The following ELMO1 variants were observed in gnomAD, a reference collection of about 807,000 sequenced individuals.
ELMO1 encodes the protein engulfment and cell motility protein 1.
Under a neutral mutation model 98.9 loss-of-function variants are expected in ELMO1, and 26 were observed. That is an observed-to-expected ratio of 0.26 (90% CI 0.19 to 0.36). The LOEUF (loss-of-function observed/expected upper bound fraction) is 0.36. Among genes scored for constraint, ELMO1 ranks in the 10% least tolerant of loss-of-function variants. ELMO1 has a pLI of 1.00. For synonymous variants in ELMO1, 346 were observed against 346.0 expected (o/e 1.00, Z 0.00); for missense variants, 627 against 935.2 (o/e 0.67, Z 4.30).
chr7:37,279,075 G>A lies in ELMO1; in HGVS notation c.193-7193C>T, dbSNP rs943781895. Among the ~76,000 whole-genome samples, 20 of 152,110 alleles carry A rather than the reference G, an allele frequency of 1.3e-4. 1 individual carries two copies. Among genetic ancestry groups the A allele is most frequent in the Admixed American group, 3.3e-4 (5 of 15,280 alleles). On this transcript the variant is annotated intron_variant, in intron 4 of 21. Coordinates refer to ENST00000310758, the MANE Select transcript of ELMO1 (RefSeq NM_014800.11). ...AAATTAGCCAGGCGTGGTGGCGGGC[G>A]CCTGTAATCCCAGCTACTCAGGAGG...
chr7:37,417,949 G>T (rs968529951), intron 1 of ELMO1, among the ~76,000 whole-genome samples: 19 of 152,132 alleles, frequency 1.2e-4, no homozygotes, highest in Non-Finnish European at 2.5e-4. Context: ...GGACCACCTG[G>T]GGCCACCAGA....
At chr7:36,963,719 C>A (rs1789167205) in intron 16 of ELMO1, among the ~76,000 whole-genome samples, 1 of 152,228 alleles carries the variant, frequency 6.6e-6, no homozygotes, top group South Asian at 2.1e-4. Flanking sequence ...ACCTATATGT[C>A]TATACCCAAT....
intron 13 of ELMO1, among the ~76,000 whole-genome samples, chr7:37,170,761 C>T (rs1271873372): frequency 6.6e-6 from 1 of 151,984 alleles, no homozygotes; most frequent in Non-Finnish European, 1.5e-5. Context: ...CATGTGCCAC[C>T]TTGCTGGGCT....
chr7:37,422,699 T>C lies in ELMO1; in HGVS notation c.-74+25976A>G, dbSNP rs563348513. On this transcript the variant is annotated intron_variant, in intron 1 of 21. Transcript: ENST00000310758. ...CGTTTTAAAACTCATTTACTGATTG[T>C]GTAAACTCCAAAATGTTTTCTAGTC... is the stretch of plus-strand genomic sequence containing the variant. 4.2e-4 allele frequency among the ~76,000 whole-genome samples: 64 copies of C among 152,372 alleles called. 2 individuals carry two copies. The South Asian group carries it at 8.9e-3, about 21-fold the overall frequency.
At chr7:36,925,426 T>A (rs985410922) in intron 16 of ELMO1, among the ~76,000 whole-genome samples, 1 of 152,158 alleles carries the variant, frequency 6.6e-6, no homozygotes, top group African/African-American at 2.4e-5. Context: ...GGCTGGCTGC[T>A]GCACAGAAGA....
intron 15 of ELMO1, among the ~76,000 whole-genome samples, chr7:37,086,289 A>T (rs940461060): frequency 2.0e-5 from 3 of 151,346 alleles, no homozygotes; most frequent in African/African-American, 4.9e-5. Context: ...TTTTAAAACA[A>T]TTTTTTTGGC....
chr7:37,402,653 C>T lies in ELMO1; in HGVS notation c.-74+46022G>A, dbSNP rs114638902. 8.3e-3 allele frequency among the ~76,000 whole-genome samples: 1,260 copies of T among 152,220 alleles called. 24 individuals are homozygous for T. Among genetic ancestry groups the T allele is most frequent in the African/African-American group, 0.029 (1,193 of 41,500 alleles). The stretch of plus-strand genomic sequence containing the variant: ...TTAATGAATCTGAAGCCATCTGATC[C>T]CTGACTTCTGGTTAAGTAAACAATT... On this transcript the variant is annotated intron_variant, in intron 1 of 21. Coordinates refer to ENST00000310758, the MANE Select transcript of ELMO1 (RefSeq NM_014800.11).
chr7:37,035,613 C>A (rs1795133804), intron 15 of ELMO1, among the ~76,000 whole-genome samples: 2 of 152,290 alleles, frequency 1.3e-5, no homozygotes, highest in Admixed American at 6.5e-5. Context: ...ACATATCAAG[C>A]AATTCAACTT....
At chr7:36,965,153 T>TC (rs968836492) in intron 16 of ELMO1, among the ~76,000 whole-genome samples, 28 of 152,054 alleles carry the variant, frequency 1.8e-4, no homozygotes, top group African/African-American at 6.0e-4. Flanking sequence ...AACCATCCTT[T>TC]CCCCATGAGT....
At chr7:37,438,597 C>G (rs1476994045) in intron 1 of ELMO1, among the ~76,000 whole-genome samples, 1 of 28,098 alleles carries the variant, frequency 3.6e-5, no homozygotes, top group South Asian at 1.8e-3. Flanking sequence ...GAGACTCTGT[C>G]TCAAAAAAAA....
chr7:37,284,506 C>T (rs1797293215), intron 4 of ELMO1, among the ~76,000 whole-genome samples: 1 of 152,120 alleles, frequency 6.6e-6, no homozygotes, highest in African/African-American at 2.4e-5. Flanking sequence ...AGGCTCCAAC[C>T]TTGACATCGC....
At chr7:37,328,725 C>T (rs765463969) in intron 2 of ELMO1, among the ~76,000 whole-genome samples, 2 of 152,172 alleles carry the variant, frequency 1.3e-5, no homozygotes, top group African/African-American at 2.4e-5. Flanking sequence ...AACACTGGAA[C>T]GTTTGATACC....
intron 16 of ELMO1, among the ~76,000 whole-genome samples, chr7:36,933,673 A>G (rs919461355): frequency 6.6e-5 from 10 of 152,128 alleles, no homozygotes; most frequent in African/African-American, 2.4e-4. Flanking sequence ...ATTCTTCCAG[A>G]CACATGACAA....
intron 16 of ELMO1, among the ~76,000 whole-genome samples, 159 bp from the exon 17 acceptor site, chr7:36,895,176 T>C (rs983322676): frequency 1.3e-5 from 2 of 152,200 alleles, no homozygotes; most frequent in African/African-American, 4.8e-5. Flanking sequence ...ACTTCCATTA[T>C]GCCCATCTTC....
intron 8 of ELMO1, among the ~76,000 whole-genome samples, chr7:37,229,690 A>G (rs1794062360): frequency 6.6e-6 from 1 of 152,222 alleles, no homozygotes; most frequent in South Asian, 2.1e-4. Flanking sequence ...GGTCCAGCTA[A>G]TGAATAAAAA....
chr7:36,929,249 C>T (rs951574431), intron 16 of ELMO1, among the ~76,000 whole-genome samples: 1 of 152,206 alleles, frequency 6.6e-6, no homozygotes, highest in African/African-American at 2.4e-5. Flanking sequence ...TGCACTGACT[C>T]TTTCATCCAC....
At chr7:37,021,018 A>T (rs989635453) in intron 15 of ELMO1, among the ~76,000 whole-genome samples, 4 of 152,232 alleles carry the variant, frequency 2.6e-5, no homozygotes, top group African/African-American at 7.2e-5. Context: ...ATGTATATTT[A>T]TTCCTTTGTA....
intron 16 of ELMO1, among the ~76,000 whole-genome samples, chr7:36,953,832 G>T (rs1300447424): frequency 6.9e-6 from 1 of 145,148 alleles, no homozygotes; most frequent in East Asian, 2.0e-4. Flanking sequence ...CAGTGTATGG[G>T]TATGTTTTGT....
chr7:36,963,681 T>G (rs1169246177), intron 16 of ELMO1, among the ~76,000 whole-genome samples: 1 of 152,192 alleles, frequency 6.6e-6, no homozygotes, highest in Non-Finnish European at 1.5e-5. Context: ...AAAGCACCAC[T>G]GAAATTTCGT....
Sources: gnomAD v4.1 joint callset for allele counts (sites outside exome capture counted in the v4.1 genomes callset) on GRCh38, gnomAD v4.1.1 for gene constraint, MANE v1.5 for transcripts, NCBI Gene and HGNC (gene_info 2026-07-23, HGNC 2026-07-21) for gene names.